ABCD3: variants seen among roughly 807,000 people sequenced by gnomAD.
ABCD3 encodes the protein ATP binding cassette subfamily D member 3, also known as ATP-binding cassette sub-family D member 3.
A neutral mutation model predicts 105.5 loss-of-function variants in ABCD3; 41 were observed. The ratio of observed to expected loss-of-function variants is 0.39; its 90% CI spans 0.30 to 0.50. The LOEUF (loss-of-function observed/expected upper bound fraction) is 0.50. Among genes scored for constraint, ABCD3 ranks in the 20% least tolerant of loss-of-function variants. ABCD3 has a pLI of 0.84. For missense variants in ABCD3, 622 were observed against 806.3 expected (o/e 0.77, Z 2.77); for synonymous variants, 258 against 269.0 (o/e 0.96, Z 0.40).
the ABCD3 span, among the ~76,000 whole-genome samples, chr1:94,389,083 A>G: frequency 2.0e-5 from 3 of 152,188 alleles, no homozygotes. Context: ...TTGGTATCGC[A>G]CACTTCATCA....
chr1:94,490,679 A>G (rs1649489266), intron 15 of ABCD3, among the ~76,000 whole-genome samples: 1 of 152,068 alleles, frequency 6.6e-6, no homozygotes, highest in Non-Finnish European at 1.5e-5. Context: ...GTTGAAAGAC[A>G]TTTAGGCAGT....
chr1:94,437,858 A>C (rs1659963038), intron 1 of ABCD3, among the ~76,000 whole-genome samples: 1 of 152,192 alleles, frequency 6.6e-6, no homozygotes, highest in Non-Finnish European at 1.5e-5. Context: ...ATTTTGGAAG[A>C]AGTTATTCCA....
chr1:94,511,430 T>C (rs950053844), intron 21 of ABCD3, among the ~76,000 whole-genome samples: 1 of 152,160 alleles, frequency 6.6e-6, no homozygotes, highest in Non-Finnish European at 1.5e-5. Flanking sequence ...TAATATTTTT[T>C]CCTTCATTTC....
chr1:94,465,749 C>T lies in ABCD3; in HGVS notation c.246+876C>T, dbSNP rs376366235. Among the ~76,000 whole-genome samples the T allele has an allele frequency of 4.6e-5, 7 of 152,146 alleles. No homozygotes were observed. In the East Asian group the frequency reaches 5.8e-4, roughly 13 times the overall value. ...TGCTTATACGAATAGTTGTATAATT[C>T]GTTCCTTTGCTTTTTTATCAAGATT... On this transcript the variant is annotated intron_variant, in intron 3 of 22. Transcript: ENST00000370214.
intron 1 of ABCD3, among the ~76,000 whole-genome samples, chr1:94,453,229 G>A (rs199710308): frequency 1.8e-4 from 27 of 152,284 alleles, no homozygotes; most frequent in African/African-American, 4.6e-4. Context: ...GGGAATAGAA[G>A]GGTAGGAGGT....
chr1:94,460,482 A>G (rs1435487589), intron 2 of ABCD3, among the ~76,000 whole-genome samples: 1 of 152,200 alleles, frequency 6.6e-6, no homozygotes, highest in Non-Finnish European at 1.5e-5. Context: ...TATAAGAAAC[A>G]TCTAATTCCT....
the ABCD3 span, among the ~76,000 whole-genome samples, chr1:94,402,560 T>C: frequency 1.3e-5 from 2 of 152,116 alleles, no homozygotes; most frequent in African/African-American, 4.8e-5. Flanking sequence ...TTTCAGCAAA[T>C]GTAACATTGA....
At chr1:94,510,747 G>T (rs1224864233) in intron 21 of ABCD3, among the ~76,000 whole-genome samples, 1 of 151,280 alleles carries the variant, frequency 6.6e-6, no homozygotes, top group Middle Eastern at 3.2e-3. Flanking sequence ...TTATGTAATG[G>T]CCTTCTTTGT....
At chr1:94,427,604 A>G (rs61772846) in intron 1 of ABCD3, among the ~76,000 whole-genome samples, 1 of 152,182 alleles carries the variant, frequency 6.6e-6, no homozygotes, top group Non-Finnish European at 1.5e-5. Context: ...GAAAGATAGG[A>G]TCTTCCTACA....
At chr1:94,501,283 A>C (rs1177986011) in intron 20 of ABCD3, among the ~76,000 whole-genome samples, 3 of 151,694 alleles carry the variant, frequency 2.0e-5, no homozygotes, top group Non-Finnish European at 4.4e-5. Context: ...AAAAAAAAAA[A>C]ACACATGATC....
intron 1 of ABCD3, among the ~76,000 whole-genome samples, chr1:94,442,273 G>A (rs1033240886): frequency 2.0e-5 from 3 of 152,044 alleles, no homozygotes; most frequent in Non-Finnish European, 4.4e-5. Flanking sequence ...CCAGAATTCC[G>A]TCTGTAAGAT....
At chr1:94,430,488 T>C (rs1216461787) in intron 1 of ABCD3, among the ~76,000 whole-genome samples, 1 of 152,168 alleles carries the variant, frequency 6.6e-6, no homozygotes, top group Non-Finnish European at 1.5e-5. Context: ...GGCAGGTCTT[T>C]CCTGTGCTGT....
At chr1:94,413,073 AATTT>A in the ABCD3 span, among the ~76,000 whole-genome samples, 30,240 of 151,796 alleles carry the variant, frequency 0.2, 4,316 homozygotes, top group African/African-American at 0.39. Context: ...TAAGTTGTGA[AATTT>A]ATTTATTTAT....
chr1:94,496,090 T>C (rs1272267763), intron 16 of ABCD3, among the ~76,000 whole-genome samples: 1 of 152,238 alleles, frequency 6.6e-6, no homozygotes, highest in African/African-American at 2.4e-5. Context: ...GTTTTTAAAA[T>C]GTAAAAATGA....
chr1:94,483,926 A>T (rs1224044224), intron 10 of ABCD3, among the ~76,000 whole-genome samples: 1 of 152,168 alleles, frequency 6.6e-6, no homozygotes, highest in Non-Finnish European at 1.5e-5. Flanking sequence ...GAATCTACAA[A>T]GAACTTAAAC....
chr1:94,396,837 A>G, the ABCD3 span, among the ~76,000 whole-genome samples: 5 of 152,152 alleles, frequency 3.3e-5, no homozygotes, highest in African/African-American at 4.8e-5. Flanking sequence ...GGGTTATTTA[A>G]AGATATGAAA....
At chr1:94,448,415 A>G (rs1461509027) in intron 1 of ABCD3, among the ~76,000 whole-genome samples, 1 of 152,260 alleles carries the variant, frequency 6.6e-6, no homozygotes, top group Non-Finnish European at 1.5e-5. Context: ...CCCTAGAATA[A>G]CTAAATTTAA....
intron 1 of ABCD3, among the ~76,000 whole-genome samples, chr1:94,434,743 C>G (rs1331943791): frequency 6.6e-6 from 1 of 152,182 alleles, no homozygotes; most frequent in Non-Finnish European, 1.5e-5. Flanking sequence ...ATAAATAATG[C>G]AATGACATCT....
chr1:94,419,125 G>T (rs556992777), intron 1 of ABCD3, among the ~76,000 whole-genome samples: 23 of 152,316 alleles, frequency 1.5e-4, no homozygotes, highest in African/African-American at 5.3e-4. Flanking sequence ...CGCGAGGGTG[G>T]CTTCTATGAA....
Sources: gnomAD v4.1 joint callset for allele counts (sites outside exome capture counted in the v4.1 genomes callset) on GRCh38, gnomAD v4.1.1 for gene constraint, MANE v1.5 for transcripts, NCBI Gene and HGNC (gene_info 2026-07-23, HGNC 2026-07-21) for gene names.